Variants in CDKN2B observed in about 807,000 individuals in gnomAD.
CDKN2B encodes cyclin dependent kinase inhibitor 2B.
CDKN2B carries 8 observed loss-of-function variants against 7.7 expected under a neutral mutation model. The observed-to-expected ratio is 1.04, with a 90% CI of 0.61 to 1.87. The LOEUF (loss-of-function observed/expected upper bound fraction) is 1.87, where lower values mean the gene tolerates loss of function less well. CDKN2B is among the 40% of genes most tolerant of loss of function. The probability of loss-of-function intolerance (pLI) is 0.00; values close to 1 mark genes in which losing one functional copy is unlikely to be tolerated. For synonymous variants in CDKN2B, 93 were observed against 95.8 expected (o/e 0.97, Z 0.17); for missense variants, 244 against 213.1 (o/e 1.15, Z -0.90).
At chr9:22,007,327 C>G (rs1038883348) in intron 1 of CDKN2B, among the ~76,000 whole-genome samples, 17 of 151,496 alleles carry the variant, frequency 1.1e-4, no homozygotes, top group Non-Finnish European at 4.4e-5. Flanking sequence ...CCACTGCACT[C>G]CAGCCTGTCC....
Position 22,008,999 on chromosome 9 carries a change from C to A in CDKN2B, c.-46G>T. 1 of 1,613,340 alleles carries A rather than the reference C, an allele frequency of 6.2e-7. No individual in the cohort carries two copies. Among genetic ancestry groups the A allele is most frequent in the South Asian group, 1.1e-5 (1 of 91,062 alleles). ...AGCGGCCCGGATAATCCACCGTTGGCCGTAAACTTAACGACACTCTTCCCT... is the reference window on the plus strand; with the variant it reads ...AGCGGCCCGGATAATCCACCGTTGGACGTAAACTTAACGACACTCTTCCCT... On this transcript the variant is annotated 5_prime_UTR_variant, in exon 1 of 2. Coordinates refer to ENST00000276925, the MANE Select transcript of CDKN2B (RefSeq NM_004936.4).
At chr9:22,007,212 A>T (rs1261810239) in intron 1 of CDKN2B, among the ~76,000 whole-genome samples, 3 of 152,126 alleles carry the variant, frequency 2.0e-5, no homozygotes, top group African/African-American at 7.2e-5. Flanking sequence ...AAAATAAAAA[A>T]TTAGCTGGGC....
Position 22,003,592 on chromosome 9 carries a change from T to C in CDKN2B, c.*2395A>G, listed in dbSNP as rs185130567. 906 of 229,426 alleles carry C rather than the reference T, an allele frequency of 3.9e-3. 4 individuals are homozygous for C. The highest frequency in any genetic ancestry group is 5.7e-3 in the Non-Finnish European group (661 of 115,758). 14.2% of individuals were successfully genotyped at this position (229,426 alleles called of 1,614,324 possible). ...TTTTATATAGAATGTTTTCTAATAA[T>C]TGTAAAATACTGTAACTTTAAAAAT... On this transcript the variant is annotated 3_prime_UTR_variant, in exon 2 of 2. Transcript: ENST00000276925.
chr9:22,005,625 G>C lies in CDKN2B; in HGVS notation c.*362C>G. On this transcript the variant is annotated 3_prime_UTR_variant, in exon 2 of 2. Transcript: ENST00000276925. This position sits in a 1 kb window ranked among gnomAD's most constrained non-coding sequence, Gnocchi z 4.9. ...CTTCTCCCACTCAGCGCTGGAGTGGGAGATTCATCCATCGGAAGATTCGTA... is the reference window on the plus strand; with the variant it reads ...CTTCTCCCACTCAGCGCTGGAGTGGCAGATTCATCCATCGGAAGATTCGTA... The C allele has an allele frequency of 2.2e-6, 1 of 453,418 alleles. No homozygotes were observed. The highest frequency in any genetic ancestry group is 4.1e-6 in the Non-Finnish European group (1 of 244,166). 28.1% of individuals were successfully genotyped at this position (453,418 alleles called of 1,614,324 possible).
Position 22,009,088 on chromosome 9 carries a change from C to T in CDKN2B, c.-135G>A, listed in dbSNP as rs1821354909. On this transcript the variant is annotated 5_prime_UTR_variant, in exon 1 of 2. Coordinates refer to ENST00000276925, the MANE Select transcript of CDKN2B (RefSeq NM_004936.4). ...GGAGACCTGGGCTCAGCTTCATTACCCTCCCGTCGTCCTTCTGCGGCTTGG... is the reference window on the plus strand; with the variant it reads ...GGAGACCTGGGCTCAGCTTCATTACTCTCCCGTCGTCCTTCTGCGGCTTGG... 2.2e-6 allele frequency: 3 copies of T among 1,346,764 alleles called. No homozygotes were observed. Among genetic ancestry groups the T allele is most frequent in the Non-Finnish European group, 3.1e-6 (3 of 958,662 alleles). 83.4% of individuals were successfully genotyped at this position (1,346,764 alleles called of 1,614,324 possible).
chr9:22,009,217 C>T lies in CDKN2B; in HGVS notation c.-264G>A, dbSNP rs1258286924. ...ATTGCTTCTGGGAAAAAGCGCCTAG[C>T]GCGGACGCAGCCGAGCTCAAAGCCG... On this transcript the variant is annotated 5_prime_UTR_variant, in exon 1 of 2. Transcript: ENST00000276925. The T allele has an allele frequency of 3.4e-6, 2 of 593,038 alleles. No homozygotes were observed. The highest frequency in any genetic ancestry group is 6.0e-6 in the Non-Finnish European group (2 of 334,256). 36.7% of individuals were successfully genotyped at this position (593,038 alleles called of 1,614,324 possible).
rs1821200529 is a variant in CDKN2B at position 22,006,573 on chromosome 9, T to C, written c.157-326A>G. ...TCCATTGGAACATGGGAATCTATTTTGTTAAATGATTTAGGGGCAGAGTTA... is the reference window on the plus strand; with the variant it reads ...TCCATTGGAACATGGGAATCTATTTCGTTAAATGATTTAGGGGCAGAGTTA... On this transcript the variant is annotated intron_variant, in intron 1 of 1. Coordinates refer to ENST00000276925, the MANE Select transcript of CDKN2B (RefSeq NM_004936.4). This position sits in a 1 kb window ranked among gnomAD's most constrained non-coding sequence, Gnocchi z 6.4. 6.6e-6 allele frequency among the ~76,000 whole-genome samples: 1 copy of C among 152,230 alleles called. No individual in the cohort carries two copies. The highest frequency in any genetic ancestry group is 2.1e-4 in the South Asian group (1 of 4,828).
chr9:22,006,396 G>A lies in CDKN2B; in HGVS notation c.157-149C>T. The A allele has an allele frequency of 9.2e-7, 1 of 1,091,848 alleles. No individual in the cohort carries two copies. Among genetic ancestry groups the A allele is most frequent in the Non-Finnish European group, 1.3e-6 (1 of 752,178 alleles). The allele number at this position is 1,091,848 out of a possible 1,614,324, so 67.6% of individuals were successfully genotyped here. A position where few individuals can be genotyped will look rare whatever the true frequency, so the allele number is the denominator to read the frequency against. ...GGTGTTCAGGTCTCTGATGTCTGGT[G>A]TTTCTTCATTTGCTGATGCAATCCA... On this transcript the variant is annotated intron_variant, in intron 1 of 1. Coordinates refer to ENST00000276925, the MANE Select transcript of CDKN2B (RefSeq NM_004936.4). This position sits in a 1 kb window ranked among gnomAD's most constrained non-coding sequence, Gnocchi z 6.4.
In CDKN2B at chr9:22,009,270, C is replaced by G; in HGVS notation, c.-317G>C. On this transcript the variant is annotated 5_prime_UTR_variant, in exon 1 of 2. Coordinates refer to ENST00000276925, the MANE Select transcript of CDKN2B (RefSeq NM_004936.4). Reference sequence around the variant, plus strand: ...CTGGCCGCAGGGTGCGGACGCGTCGCGGAGTCCTCACTGCCCCGCCTCGCT... The same window carrying G: ...CTGGCCGCAGGGTGCGGACGCGTCGGGGAGTCCTCACTGCCCCGCCTCGCT... The G allele has an allele frequency of 1.9e-6, 1 of 514,410 alleles. No homozygotes were observed. Among genetic ancestry groups the G allele is most frequent in the South Asian group, 2.1e-5 (1 of 46,806 alleles). 31.9% of individuals were successfully genotyped at this position (514,410 alleles called of 1,614,324 possible).
chr9:22,003,736 T>A lies in CDKN2B; in HGVS notation c.*2251A>T, dbSNP rs1455915779. On this transcript the variant is annotated 3_prime_UTR_variant, in exon 2 of 2. Coordinates refer to ENST00000276925, the MANE Select transcript of CDKN2B (RefSeq NM_004936.4). ...TTATCTTTGTTCCAAAAATTTGGGT[T>A]TTTATAGGTGTGTTGGGGGGGGTTA... 1 of 231,848 alleles carries A rather than the reference T, an allele frequency of 4.3e-6. No homozygotes were observed. The highest frequency in any genetic ancestry group is 8.5e-6 in the Non-Finnish European group (1 of 117,290). The allele number at this position is 231,848 out of a possible 1,614,324, so 14.4% of individuals were successfully genotyped here.
Position 22,004,805 on chromosome 9 carries a change from G to C in CDKN2B, c.*1182C>G, listed in dbSNP as rs1428978019. ...GCATAAGTGCATCTATCTTCTAAAA[G>C]ACATTTGGAATATTTCTTAGTCTGA... is the stretch of plus-strand genomic sequence containing the variant. On this transcript the variant is annotated 3_prime_UTR_variant, in exon 2 of 2. Coordinates refer to ENST00000276925, the MANE Select transcript of CDKN2B (RefSeq NM_004936.4). 1 of 232,988 alleles carries C rather than the reference G, an allele frequency of 4.3e-6. No individual in the cohort carries two copies. Among genetic ancestry groups the C allele is most frequent in the Non-Finnish European group, 8.5e-6 (1 of 117,986 alleles). 14.4% of individuals were successfully genotyped at this position (232,988 alleles called of 1,614,324 possible).
rs1821060772 is a variant in CDKN2B at position 22,004,266 on chromosome 9, A to G, written c.*1721T>C. 1 of 232,412 alleles carries G rather than the reference A, an allele frequency of 4.3e-6. No individual in the cohort carries two copies. Among genetic ancestry groups the G allele is most frequent in the South Asian group, 1.8e-4 (1 of 5,526 alleles). The allele number at this position is 232,412 out of a possible 1,614,324, so 14.4% of individuals were successfully genotyped here. A position where few individuals can be genotyped will look rare whatever the true frequency, so the allele number is the denominator to read the frequency against. On this transcript the variant is annotated 3_prime_UTR_variant, in exon 2 of 2. Transcript: ENST00000276925. ...TAGAGAAGTAAAGATTTGTGTATTC[A>G]ACTCAAATGTACTCCTTCTTATAAG...
At position 22,009,202 on chromosome 9, in the gene CDKN2B, G is replaced by C; in HGVS notation, c.-249C>G. Reference sequence around the variant, plus strand: ...AGCGGGCGCGCCTGGATTGCTTCTGGGAAAAAGCGCCTAGCGCGGACGCAG... The same window carrying C: ...AGCGGGCGCGCCTGGATTGCTTCTGCGAAAAAGCGCCTAGCGCGGACGCAG... On this transcript the variant is annotated 5_prime_UTR_variant, in exon 1 of 2. Transcript: ENST00000276925. 1 of 614,364 alleles carries C rather than the reference G, an allele frequency of 1.6e-6. No homozygotes were observed. The highest frequency in any genetic ancestry group is 4.4e-4 in the Middle Eastern group (1 of 2,256). The allele number at this position is 614,364 out of a possible 1,614,324, so 38.1% of individuals were successfully genotyped here.
chr9:22,009,224 G>A lies in CDKN2B; in HGVS notation c.-271C>T. On this transcript the variant is annotated 5_prime_UTR_variant, in exon 1 of 2. Transcript: ENST00000276925. ...CTGGGAAAAAGCGCCTAGCGCGGAC[G>A]CAGCCGAGCTCAAAGCCGCTCTGGC... The A allele has an allele frequency of 1.7e-6, 1 of 582,924 alleles. No homozygotes were observed. The highest frequency in any genetic ancestry group is 3.1e-6 in the Non-Finnish European group (1 of 327,102). 36.1% of individuals were successfully genotyped at this position (582,924 alleles called of 1,614,324 possible).
Position 22,006,257 on chromosome 9 carries a change from AGAGCAGAGT to A in CDKN2B, c.157-19_157-11del, listed in dbSNP as rs1217182174. The A allele has an allele frequency of 6.2e-7, 1 of 1,603,162 alleles. No homozygotes were observed. The highest frequency in any genetic ancestry group is 1.3e-5 in the African/African-American group (1 of 74,918). On this transcript the variant is annotated splice_polypyrimidine_tract_variant and intron_variant, in intron 1 of 1. Coordinates refer to ENST00000276925, the MANE Select transcript of CDKN2B (RefSeq NM_004936.4). The surrounding 1 kb of genome is among the most constrained non-coding windows in gnomAD (Gnocchi z 6.4). ...TGCCCATCATCATGACCTGCCAGAG[AGAGCAGAGT>A]GGTCAGAGCCAGGGTGGGGGCAGGT...
At position 22,006,593 on chromosome 9, in the gene CDKN2B, G is replaced by C. The variant is rs1196060589; in HGVS notation, c.157-346C>G. ...TATTTTGTTAAATGATTTAGGGGCAGAGTTAAATTTATTCGGCTTTTAAAG... is the reference window on the plus strand; with the variant it reads ...TATTTTGTTAAATGATTTAGGGGCACAGTTAAATTTATTCGGCTTTTAAAG... On this transcript the variant is annotated intron_variant, in intron 1 of 1. Transcript: ENST00000276925. This position sits in a 1 kb window ranked among gnomAD's most constrained non-coding sequence, Gnocchi z 6.4. Among the ~76,000 whole-genome samples, 1 of 152,204 alleles carries C rather than the reference G, an allele frequency of 6.6e-6. No individual in the cohort carries two copies. The highest frequency in any genetic ancestry group is 2.4e-5 in the African/African-American group (1 of 41,446).
chr9:22,007,870 T>A (rs1341689405), intron 1 of CDKN2B, among the ~76,000 whole-genome samples: 2 of 152,190 alleles, frequency 1.3e-5, no homozygotes, highest in East Asian at 3.8e-4. Flanking sequence ...CCCTCATTTG[T>A]TATACCATTA....
chr9:22,008,730 C>A (rs770343149), intron 1 of CDKN2B, 68 bp downstream of exon 1: 1 of 1,610,884 alleles, frequency 6.2e-7, no homozygotes, highest in South Asian at 1.1e-5. Flanking sequence ...GGTTCCAGCC[C>A]CGATCCGCCG....
At chr9:22,008,738 C>G in intron 1 of CDKN2B, 60 bp downstream of exon 1, 1 of 1,610,794 alleles carries the variant, frequency 6.2e-7, no homozygotes, top group African/African-American at 1.3e-5. Flanking sequence ...CCCCGATCCG[C>G]CGAGGCCGCG....
Sources: allele counts gnomAD v4.1 joint callset (sites outside exome capture counted in the v4.1 genomes callset), GRCh38; gene constraint gnomAD v4.1.1; non-coding constraint Gnocchi (gnomAD v3.1); transcripts MANE v1.5; gene names NCBI Gene and HGNC (gene_info 2026-07-23, HGNC 2026-07-21).